The following DOK6 variants were observed in gnomAD, a reference collection of about 807,000 sequenced individuals.
The protein encoded by DOK6 is downstream of tyrosine kinase 6.
Under a neutral mutation model 44.0 loss-of-function variants are expected in DOK6, and 22 were observed. The ratio of observed to expected loss-of-function variants is 0.50; its 90% confidence interval spans 0.36 to 0.71. The LOEUF is 0.71. DOK6 is among the 30% of genes least tolerant of loss of function. The probability of loss-of-function intolerance (pLI) is 0.00; values close to 1 mark genes in which losing one functional copy is unlikely to be tolerated. For synonymous variants in DOK6, 166 were observed against 145.5 expected (o/e 1.14, Z -1.01); for missense variants, 340 against 416.4 (o/e 0.82, Z 1.60).
intron 1 of DOK6, among the ~76,000 whole-genome samples, chr18:69,509,743 T>A (rs949922065): frequency 2.6e-5 from 4 of 152,018 alleles, no homozygotes; most frequent in African/African-American, 9.7e-5. Flanking sequence ...CCAAATAAAT[T>A]GTTCACTTAA....
chr18:69,477,178 T>G (rs1292330540), intron 1 of DOK6, among the ~76,000 whole-genome samples: 2 of 152,200 alleles, frequency 1.3e-5, no homozygotes, highest in African/African-American at 4.8e-5. Flanking sequence ...AATATGTATT[T>G]GACGTTTGAA....
chr18:69,776,922 G>A (rs919081124), intron 7 of DOK6, among the ~76,000 whole-genome samples: 4 of 147,474 alleles, frequency 2.7e-5, no homozygotes, highest in Non-Finnish European at 4.5e-5. Flanking sequence ...AAGACTGCAT[G>A]TTCTCACTCA....
intron 7 of DOK6, among the ~76,000 whole-genome samples, chr18:69,798,793 T>C (rs1039935669): frequency 1.8e-4 from 28 of 151,972 alleles, no homozygotes; most frequent in Non-Finnish European, 3.2e-4. Flanking sequence ...CATTTACAAG[T>C]TTTTATGTTA....
At chr18:69,761,658 C>A (rs1241264714) in intron 7 of DOK6, among the ~76,000 whole-genome samples, 12 of 152,078 alleles carry the variant, frequency 7.9e-5, no homozygotes, top group Non-Finnish European at 1.8e-4. Context: ...GGTATCCAGC[C>A]AAGTCCAAGG....
At chr18:69,658,843 T>C (rs1985436665) in intron 3 of DOK6, among the ~76,000 whole-genome samples, 1 of 152,218 alleles carries the variant, frequency 6.6e-6, no homozygotes, top group African/African-American at 2.4e-5. Flanking sequence ...CCTCTCAATA[T>C]TCCTGGCTGC....
chr18:69,741,451 C>T (rs1000692422), intron 6 of DOK6, among the ~76,000 whole-genome samples: 2 of 152,148 alleles, frequency 1.3e-5, no homozygotes, highest in Admixed American at 1.3e-4. Context: ...TCCAGTTCTC[C>T]AGATACAATT....
intron 7 of DOK6, among the ~76,000 whole-genome samples, chr18:69,774,131 G>GATATATATATATATATATATATAT (rs1212221255): frequency 7.2e-5 from 1 of 13,860 alleles, no homozygotes; most frequent in Non-Finnish European, 3.9e-4. Context: ...ATATATATAT[G>GATATATATATATATATATATATAT]AGATATATAT....
chr18:69,654,726 G>A (rs958247417), intron 3 of DOK6, among the ~76,000 whole-genome samples: 18 of 152,176 alleles, frequency 1.2e-4, no homozygotes, highest in Non-Finnish European at 2.6e-4. Context: ...GGCTTTGACA[G>A]AGGAAAAGAT....
intron 1 of DOK6, among the ~76,000 whole-genome samples, chr18:69,506,906 C>T (rs12968889): frequency 2.0e-5 from 3 of 148,926 alleles, no homozygotes; most frequent in East Asian, 1.9e-4. Context: ...TACATATATA[C>T]ACACACACAC....
At chr18:69,598,770 T>G (rs1229162380) in intron 2 of DOK6, among the ~76,000 whole-genome samples, 2 of 152,094 alleles carry the variant, frequency 1.3e-5, no homozygotes, top group Non-Finnish European at 2.9e-5. Flanking sequence ...TACTAGATAT[T>G]TATTAATTGC....
At chr18:69,686,958 A>G (rs1271496912) in intron 4 of DOK6, among the ~76,000 whole-genome samples, 1 of 152,174 alleles carries the variant, frequency 6.6e-6, no homozygotes, top group Non-Finnish European at 1.5e-5. Context: ...CTTTAGTTCC[A>G]AATAGTTGTT....
At chr18:69,418,006 T>C (rs187160) in intron 1 of DOK6, among the ~76,000 whole-genome samples, 140,585 of 152,168 alleles carry the variant, frequency 0.92, 64,992 homozygotes, top group East Asian at 0.99. Flanking sequence ...ATCGTGTAGG[T>C]TTTCTCTTCA....
chr18:69,819,136 TAA>T (rs1426735113), intron 7 of DOK6, among the ~76,000 whole-genome samples: 3 of 152,058 alleles, frequency 2.0e-5, no homozygotes, highest in Non-Finnish European at 4.4e-5. Context: ...TCCATAAGAG[TAA>T]ACTCTTTTTC....
chr18:69,774,318 G>T (rs921654532), intron 7 of DOK6, among the ~76,000 whole-genome samples: 2 of 151,176 alleles, frequency 1.3e-5, no homozygotes, highest in African/African-American at 4.8e-5. Flanking sequence ...GGATGCAAAG[G>T]CCTAAGAATG....
intron 1 of DOK6, among the ~76,000 whole-genome samples, chr18:69,561,798 T>C (rs952836922): frequency 6.6e-6 from 1 of 152,174 alleles, no homozygotes; most frequent in Non-Finnish European, 1.5e-5. Context: ...GTTCTACTTT[T>C]ATAATGAGAG....
intron 1 of DOK6, among the ~76,000 whole-genome samples, chr18:69,474,151 A>G (rs76648524): frequency 0.19 from 28,131 of 151,930 alleles, 3,117 homozygotes; most frequent in Non-Finnish European, 0.23. Flanking sequence ...GTCCTTGGTG[A>G]GGGGGGGCCT....
chr18:69,619,277 C>A (rs1018119919), intron 3 of DOK6, among the ~76,000 whole-genome samples: 6 of 152,168 alleles, frequency 3.9e-5, no homozygotes, highest in Admixed American at 2.6e-4. Context: ...GAACTGAAAG[C>A]TTTCAGTAAG....
intron 1 of DOK6, chr18:69,471,488 G>C (rs1980106559): frequency 6.6e-6 from 1 of 151,880 alleles, no homozygotes; most frequent in African/African-American, 2.4e-5. Flanking sequence ...TTTGTAAGCC[G>C]TGGCACGGTG....
chr18:69,830,249 A>G (rs1469156233), intron 7 of DOK6, among the ~76,000 whole-genome samples: 1 of 152,170 alleles, frequency 6.6e-6, no homozygotes, highest in African/African-American at 2.4e-5. Context: ...CTCCTGATTC[A>G]TTTTGATTTT....
Sources: gnomAD v4.1 joint callset for allele counts (sites outside exome capture counted in the v4.1 genomes callset) on GRCh38, gnomAD v4.1.1 for gene constraint, MANE v1.5 for transcripts, NCBI Gene and HGNC (gene_info 2026-07-23, HGNC 2026-07-21) for gene names.